The following DCP2 variants were observed in gnomAD, a reference collection of about 807,000 sequenced individuals.
The protein encoded by DCP2 is decapping mRNA 2, also known as m7GpppN-mRNA hydrolase.
DCP2 carries 30 observed loss-of-function variants against 56.1 expected under a neutral mutation model. The ratio of observed to expected loss-of-function variants is 0.53; its 90% CI spans 0.40 to 0.73. The LOEUF is 0.73. DCP2 is among the 30% of genes least tolerant of loss of function. The pLI is 0.00. For synonymous variants in DCP2, 197 were observed against 163.3 expected (o/e 1.21, Z -1.57); for missense variants, 533 against 502.7 (o/e 1.06, Z -0.58).
chr5:113,007,800 G>T, intron 8 of DCP2, 138 bp from the exon 9 acceptor site: 1 of 643,570 alleles, frequency 1.6e-6, no homozygotes, highest in South Asian at 2.2e-5. Flanking sequence ...TACATTGATA[G>T]GGTGATTAAT....
intron 8 of DCP2, 36 bp downstream of exon 8, chr5:113,004,113 T>A: frequency 6.3e-7 from 1 of 1,595,138 alleles, no homozygotes; most frequent in Non-Finnish European, 8.5e-7. Context: ...TTCAGAAATT[T>A]AGATCATTTG....
At chr5:112,992,303 C>T in intron 3 of DCP2, 55 bp downstream of exon 3, 5 of 1,565,432 alleles carry the variant, frequency 3.2e-6, no homozygotes, top group Non-Finnish European at 4.3e-6. Flanking sequence ...AATCTGTTAA[C>T]AAAATTTGTT....
intron 8 of DCP2, among the ~76,000 whole-genome samples, chr5:113,006,376 CTA>C (rs1185071675): frequency 1.3e-5 from 2 of 152,160 alleles, no homozygotes; most frequent in African/African-American, 4.8e-5. Context: ...GTAGTGCTGA[CTA>C]TACTAAATGC....
rs550677741 is a variant in DCP2, at chr5:113,020,123, T to C, written c.*6639T>C. The C allele has an allele frequency of 1.3e-5, 2 of 152,360 alleles. No individual in the cohort carries two copies. The highest frequency in any genetic ancestry group is 2.4e-5 in the African/African-American group (1 of 41,588). The allele number at this position is 152,360 out of a possible 1,614,324, so 9.4% of individuals were successfully genotyped here. ...AGGTGAAGATATTTATGCTGAGTTATGTTAAGCAAATTATTTTGAGACCTT... is the reference window on the plus strand; with the variant it reads ...AGGTGAAGATATTTATGCTGAGTTACGTTAAGCAAATTATTTTGAGACCTT... On this transcript the variant is annotated 3_prime_UTR_variant, in exon 11 of 11. Coordinates refer to ENST00000389063, the MANE Select transcript of DCP2 (RefSeq NM_152624.6).
rs1176373123 is a variant in DCP2, at chr5:113,013,628, G to T, written c.*144G>T. ...GAAGACATTTTCTGTTTATAAGAGAGTAGAAAGAAACACGAGTTTGCACTG... is the reference window on the plus strand; with the variant it reads ...GAAGACATTTTCTGTTTATAAGAGATTAGAAAGAAACACGAGTTTGCACTG... On this transcript the variant is annotated 3_prime_UTR_variant, in exon 11 of 11. Transcript: ENST00000389063. 1 of 1,003,774 alleles carries T rather than the reference G, an allele frequency of 1.0e-6. No homozygotes were observed. The highest frequency in any genetic ancestry group is 1.6e-5 in the African/African-American group (1 of 61,592). The allele number at this position is 1,003,774 out of a possible 1,614,324, so 62.2% of individuals were successfully genotyped here.
At chr5:112,997,873 A>G (rs922853616) in intron 4 of DCP2, among the ~76,000 whole-genome samples, 4 of 152,138 alleles carry the variant, frequency 2.6e-5, no homozygotes, top group African/African-American at 9.7e-5. Context: ...TTGGCCTCCC[A>G]AAGTGCTGGG....
intron 4 of DCP2, among the ~76,000 whole-genome samples, chr5:112,995,847 GGCTT>G (rs1748822212): frequency 6.6e-6 from 1 of 152,176 alleles, no homozygotes; most frequent in Admixed American, 6.5e-5. Context: ...CAGATGGAGT[GGCTT>G]AAACAAATTT....
At chr5:112,997,416 T>C (rs1278017699) in intron 4 of DCP2, among the ~76,000 whole-genome samples, 1 of 152,172 alleles carries the variant, frequency 6.6e-6, no homozygotes, top group Non-Finnish European at 1.5e-5. Context: ...TTCCTTATTA[T>C]TTGGCAAAGC....
intron 8 of DCP2, among the ~76,000 whole-genome samples, chr5:113,005,039 G>A (rs1320571554): frequency 6.6e-6 from 1 of 151,946 alleles, no homozygotes; most frequent in African/African-American, 2.4e-5. Context: ...CGAGGCAGGA[G>A]AATTGCTTGA....
At chr5:112,991,892 T>G (rs1366398007) in intron 2 of DCP2, among the ~76,000 whole-genome samples, 2 of 152,298 alleles carry the variant, frequency 1.3e-5, no homozygotes, top group Middle Eastern at 3.4e-3. Flanking sequence ...AATGACTTTT[T>G]AAGAGAAAAC....
At chr5:113,004,809 T>C (rs985322414) in intron 8 of DCP2, among the ~76,000 whole-genome samples, 9 of 145,970 alleles carry the variant, frequency 6.2e-5, no homozygotes, top group Non-Finnish European at 1.4e-4. Flanking sequence ...TCAATGTTAC[T>C]TTTTTTTTTT....
At chr5:112,984,699 A>ATATATATATATATATATATATATATAT (rs377520502) in intron 1 of DCP2, 35 of 78,444 alleles carry the variant, frequency 4.5e-4, no homozygotes, top group African/African-American at 9.7e-4. Flanking sequence ...AAAAAAAAAA[A>ATATATATATATATATATATATATATAT]AAAAATATAT....
chr5:112,998,669 A>G lies in DCP2; in HGVS notation c.433-2415A>G, dbSNP rs539080846. Among the ~76,000 whole-genome samples the G allele has an allele frequency of 1.5e-3, 233 of 152,366 alleles. 1 individual carries two copies. The highest frequency in any genetic ancestry group is 5.4e-3 in the African/African-American group (226 of 41,594). On this transcript the variant is annotated intron_variant, in intron 4 of 10. Transcript: ENST00000389063. Reference sequence around the variant, plus strand: ...TTGAGGATGAGATAGTGTCGTATGTAGAGAAGAATAGATTAATTCAAAGAA... The same window carrying G: ...TTGAGGATGAGATAGTGTCGTATGTGGAGAAGAATAGATTAATTCAAAGAA...
At position 112,990,544 on chromosome 5, in the gene DCP2, CT is replaced by C. The variant is rs890645945; in HGVS notation, c.206-1569del. On this transcript the variant is annotated intron_variant, in intron 2 of 10. Transcript: ENST00000389063. ...GTTAATGTTGTATCCAAGCTTTCATCTTTTTTTTCCCCTCCCCAAATGAAGG... is the reference window on the plus strand; with the variant it reads ...GTTAATGTTGTATCCAAGCTTTCATCTTTTTTTCCCCTCCCCAAATGAAGG... Among the ~76,000 whole-genome samples, 5 of 152,026 alleles carry C rather than the reference CT, an allele frequency of 3.3e-5. 1 individual carries two copies. Among genetic ancestry groups the C allele is most frequent in the African/African-American group, 7.2e-5 (3 of 41,466 alleles).
At chr5:113,003,821 C>T in intron 7 of DCP2, 121 bp from the exon 8 acceptor site, 1 of 1,132,778 alleles carries the variant, frequency 8.8e-7, no homozygotes, top group African/African-American at 1.6e-5. Context: ...AACTTACATT[C>T]CAGTGGGGAA....
At position 113,013,430 on chromosome 5, in the gene DCP2, C is replaced by G; in HGVS notation, c.1209C>G (p.Ala403=). Residue 403 remains alanine (A), a synonymous_variant, in exon 11 of 11, where the codon GCC becomes GCG. Transcript: ENST00000389063. ...GCAAGTTCCCCTTTTCATCCAGAGC[C>G]TTTTTGAGTTTCAAGTTTGACCATA... ...GHCKFPFSSR[A]FLSFKFDHNA... 1 of 1,614,092 alleles carries G rather than the reference C, an allele frequency of 6.2e-7. No individual in the cohort carries two copies. Among genetic ancestry groups the G allele is most frequent in the Non-Finnish European group, 8.5e-7 (1 of 1,179,976 alleles).
At chr5:113,003,817 C>A (rs973343433) in intron 7 of DCP2, 125 bp from the exon 8 acceptor site, 2 of 1,097,032 alleles carry the variant, frequency 1.8e-6, no homozygotes, top group Non-Finnish European at 2.7e-6. Flanking sequence ...ATAGAACTTA[C>A]ATTCCAGTGG....
At chr5:112,995,241 T>G (rs980335209) in intron 4 of DCP2, among the ~76,000 whole-genome samples, 3 of 152,222 alleles carry the variant, frequency 2.0e-5, no homozygotes, top group Non-Finnish European at 4.4e-5. Flanking sequence ...CTCTTAAAAT[T>G]GGAAGCAGTT....
intron 1 of DCP2, among the ~76,000 whole-genome samples, chr5:112,985,175 G>C (rs979996676): frequency 6.6e-6 from 1 of 152,190 alleles, no homozygotes. Context: ...ATTTTAACTT[G>C]TATGTTTCAT....
Sources: allele counts gnomAD v4.1 joint callset (sites outside exome capture counted in the v4.1 genomes callset), GRCh38; gene constraint gnomAD v4.1.1; transcripts MANE v1.5; gene names NCBI Gene and HGNC (gene_info 2026-07-23, HGNC 2026-07-21).